The following RAB11A variants were observed in gnomAD, a reference collection of about 807,000 sequenced individuals.
RAB11A encodes the protein ras-related protein Rab-11A.
In RAB11A, 9 loss-of-function variants were observed where a neutral mutation model predicts 28.0. The observed-to-expected ratio is 0.32, with a 90% confidence interval of 0.19 to 0.56. The LOEUF (loss-of-function observed/expected upper bound fraction) is 0.56, where lower values mean the gene tolerates loss of function less well. Among genes scored for constraint, RAB11A ranks in the 20% least tolerant of loss-of-function variants. The pLI is 0.91. For synonymous variants in RAB11A, 85 were observed against 88.2 expected (o/e 0.96, Z 0.20); for missense variants, 108 against 269.6 (o/e 0.40, Z 4.20).
chr15:65,882,420 T>C (rs1329403288), intron 4 of RAB11A, among the ~76,000 whole-genome samples: 1 of 152,252 alleles, frequency 6.6e-6, no homozygotes, highest in Non-Finnish European at 1.5e-5. Context: ...AGGGAGTATT[T>C]ACGTTGTGTT....
Position 65,889,503 on chromosome 15 carries a change from GC to G in RAB11A, c.*1665del, listed in dbSNP as rs531539177. 15 of 152,278 alleles carry G rather than the reference GC, an allele frequency of 9.9e-5. No homozygotes were observed. The East Asian group carries it at 2.7e-3, about 27-fold the overall frequency. 9.4% of individuals were successfully genotyped at this position (152,278 alleles called of 1,614,324 possible). On this transcript the variant is annotated 3_prime_UTR_variant, in exon 5 of 5. Coordinates refer to ENST00000261890, the MANE Select transcript of RAB11A (RefSeq NM_004663.5). Reference sequence around the variant, plus strand: ...TTTTCCTTTGAGTGCTTTGGGTGCAGCCGTGGAATCCTGATGTAAAAGCATA... The same window carrying G: ...TTTTCCTTTGAGTGCTTTGGGTGCAGCGTGGAATCCTGATGTAAAAGCATA...
At position 65,888,165 on chromosome 15, in the gene RAB11A, A is replaced by G. The variant is rs2078266003; in HGVS notation, c.*325A>G. 1.5e-5 allele frequency: 3 copies of G among 199,034 alleles called. No homozygotes were observed. The highest frequency in any genetic ancestry group is 1.6e-4 in the South Asian group (1 of 6,106). The allele number at this position is 199,034 out of a possible 1,614,324, so 12.3% of individuals were successfully genotyped here. A position where few individuals can be genotyped will look rare whatever the true frequency, so the allele number is the denominator to read the frequency against. ...ACTTGATCACTTGAAGCTCAGACCT[A>G]TTGGTCTTGATCAAATCAAACTAAG... is the stretch of plus-strand genomic sequence containing the variant. On this transcript the variant is annotated 3_prime_UTR_variant, in exon 5 of 5. Transcript: ENST00000261890.
chr15:65,884,006 C>T (rs1038656346), intron 4 of RAB11A, among the ~76,000 whole-genome samples: 1 of 152,010 alleles, frequency 6.6e-6, no homozygotes, highest in Admixed American at 6.6e-5. Flanking sequence ...AAACAGACAG[C>T]AAGTGTATCT....
chr15:65,873,970 A>G (rs112205091), intron 1 of RAB11A, among the ~76,000 whole-genome samples: 40 of 152,318 alleles, frequency 2.6e-4, no homozygotes, highest in African/African-American at 9.6e-4. Flanking sequence ...CTCCAAATTT[A>G]TGAAAACTAG....
In RAB11A at chr15:65,869,930, C is replaced by T. The variant is rs571040416; in HGVS notation, c.40+305C>T. The T allele has an allele frequency of 6.3e-4, 172 of 271,912 alleles. 2 individuals carry two copies. The highest frequency in any genetic ancestry group is 3.2e-3 in the African/African-American group (147 of 45,544). The allele number at this position is 271,912 out of a possible 1,614,324, so 16.8% of individuals were successfully genotyped here. ...GTCGAATTCCTTTCCCCGGGTTCTA[C>T]GGCCCCGCCGCTCCTCCCACCATCT... On this transcript the variant is annotated intron_variant, in intron 1 of 4. Coordinates refer to ENST00000261890, the MANE Select transcript of RAB11A (RefSeq NM_004663.5).
intron 4 of RAB11A, among the ~76,000 whole-genome samples, chr15:65,886,929 A>G (rs892355337): frequency 2.0e-5 from 3 of 152,214 alleles, no homozygotes; most frequent in African/African-American, 7.2e-5. Flanking sequence ...TCAGGAGGTC[A>G]CTGATAAACA....
At chr15:65,870,533 C>T (rs1478558745) in intron 1 of RAB11A, among the ~76,000 whole-genome samples, 1 of 152,216 alleles carries the variant, frequency 6.6e-6, no homozygotes. Context: ...GATGAGGTTG[C>T]GGATGGGTGG....
At chr15:65,886,623 C>T (rs1790484877) in intron 4 of RAB11A, among the ~76,000 whole-genome samples, 2 of 152,120 alleles carry the variant, frequency 1.3e-5, no homozygotes, top group Admixed American at 6.5e-5. Context: ...ATAATCTAGT[C>T]ACAGGGAACA....
intron 1 of RAB11A, among the ~76,000 whole-genome samples, chr15:65,870,598 G>T (rs904365639): frequency 6.6e-6 from 1 of 152,246 alleles, no homozygotes; most frequent in African/African-American, 2.4e-5. Flanking sequence ...GAAAGGTTGT[G>T]CGCTGCACAA....
Position 65,869,529 on chromosome 15 carries a change from C to A in RAB11A, c.-57C>A, listed in dbSNP as rs1227146668. 2 of 1,592,446 alleles carry A rather than the reference C, an allele frequency of 1.3e-6. No homozygotes were observed. The highest frequency in any genetic ancestry group is 2.2e-5 in the South Asian group (2 of 89,476). On this transcript the variant is annotated 5_prime_UTR_variant, in exon 1 of 5. Transcript: ENST00000261890. ...CGCTCGGGTTACCCCTGCAGCGACG[C>A]CCCCTGGTCCCACAGATACCACTGC...
chr15:65,870,781 CAT>C (rs961737490), intron 1 of RAB11A, among the ~76,000 whole-genome samples: 27 of 152,044 alleles, frequency 1.8e-4, no homozygotes, highest in African/African-American at 6.3e-4. Context: ...GATACGGAAA[CAT>C]GTAGTGCCCT....
chr15:65,884,963 GTTT>G (rs78411004), intron 4 of RAB11A, among the ~76,000 whole-genome samples: 2 of 133,824 alleles, frequency 1.5e-5, no homozygotes, highest in Non-Finnish European at 3.2e-5. Context: ...CGCCCCCACC[GTTT>G]TTTTTTTTTT....
chr15:65,878,070 AAG>A (rs770765629), intron 3 of RAB11A, 115 bp downstream of exon 3: 3 of 1,105,372 alleles, frequency 2.7e-6, no homozygotes, highest in Non-Finnish European at 1.4e-6. Context: ...AATGCTTAGC[AAG>A]AATTGTTTTG....
At chr15:65,875,280 T>G (rs1567136892) in intron 1 of RAB11A, among the ~76,000 whole-genome samples, 2 of 151,484 alleles carry the variant, frequency 1.3e-5, no homozygotes, top group Non-Finnish European at 3.0e-5. Flanking sequence ...TTGTGTATTT[T>G]TTTGTATTTA....
intron 4 of RAB11A, among the ~76,000 whole-genome samples, chr15:65,885,760 TA>T (rs2078252430): frequency 6.6e-6 from 1 of 152,214 alleles, no homozygotes; most frequent in Non-Finnish European, 1.5e-5. Context: ...AAAGGCATTT[TA>T]ATTGGAGAAA....
Position 65,890,676 on chromosome 15 carries a change from A to T in RAB11A, c.*2836A>T, listed in dbSNP as rs150000821. 1 of 152,278 alleles carries T rather than the reference A, an allele frequency of 6.6e-6. No homozygotes were observed. The highest frequency in any genetic ancestry group is 1.9e-4 in the East Asian group (1 of 5,188). 9.4% of individuals were successfully genotyped at this position (152,278 alleles called of 1,614,324 possible). A position where few individuals can be genotyped will look rare whatever the true frequency, so the allele number is the denominator to read the frequency against. On this transcript the variant is annotated 3_prime_UTR_variant, in exon 5 of 5. Coordinates refer to ENST00000261890, the MANE Select transcript of RAB11A (RefSeq NM_004663.5). ...TTAATTTTTGTCTTTGCTGACTGGT[A>T]TTTATAAAATACAAATGCTTTTAGT... is the stretch of plus-strand genomic sequence containing the variant.
rs2078198112 is a variant in RAB11A at position 65,877,682 on chromosome 15, C to T, written c.237-80C>T. 2.2e-6 allele frequency: 3 copies of T among 1,368,296 alleles called. No homozygotes were observed. Among genetic ancestry groups the T allele is most frequent in the African/African-American group, 2.9e-5 (2 of 68,248 alleles). The allele number at this position is 1,368,296 out of a possible 1,614,324, so 84.8% of individuals were successfully genotyped here. On this transcript the variant is annotated intron_variant, in intron 2 of 4. Coordinates refer to ENST00000261890, the MANE Select transcript of RAB11A (RefSeq NM_004663.5). The surrounding 1 kb of genome is among the most constrained non-coding windows in gnomAD (Gnocchi z 4.1). ...TATTTATAAGTATGTTTTTAAAACT[C>T]ATGATCCATATTTTGAGTTCTTCCT... is the stretch of plus-strand genomic sequence containing the variant.
intron 4 of RAB11A, among the ~76,000 whole-genome samples, chr15:65,885,418 G>A (rs548395094): frequency 3.3e-5 from 5 of 152,024 alleles, no homozygotes; most frequent in Non-Finnish European, 7.4e-5. Flanking sequence ...GAGCCACCTC[G>A]CTTGGCCCAT....
At chr15:65,878,400 G>C (rs1181929435) in intron 3 of RAB11A, among the ~76,000 whole-genome samples, 1 of 152,148 alleles carries the variant, frequency 6.6e-6, no homozygotes, top group Non-Finnish European at 1.5e-5. Flanking sequence ...TGAAAGTCTT[G>C]CGGCCGGGCG....
Sources: allele counts gnomAD v4.1 joint callset (sites outside exome capture counted in the v4.1 genomes callset), GRCh38; gene constraint gnomAD v4.1.1; non-coding constraint Gnocchi (gnomAD v3.1); transcripts MANE v1.5; gene names NCBI Gene and HGNC (gene_info 2026-07-23, HGNC 2026-07-21).